Variants in PTPRT observed in about 807,000 individuals in gnomAD.
The protein encoded by PTPRT is protein tyrosine phosphatase receptor type T, also known as receptor-type tyrosine-protein phosphatase T.
In PTPRT, 56 loss-of-function variants were observed where a neutral mutation model predicts 176.8. That is an observed-to-expected ratio of 0.32 (90% CI 0.26 to 0.40). PTPRT has a LOEUF of 0.40. PTPRT is among the 10% of genes least tolerant of loss of function. The pLI is 1.00. For synonymous variants in PTPRT, 783 were observed against 739.0 expected (o/e 1.06, Z -0.96); for missense variants, 1,540 against 1,908.2 (o/e 0.81, Z 3.60).
chr20:42,290,090 T>C (rs2057294377), intron 12 of PTPRT, among the ~76,000 whole-genome samples: 1 of 152,016 alleles, frequency 6.6e-6, no homozygotes, highest in Admixed American at 6.6e-5. Flanking sequence ...GTGTGGCCAG[T>C]GTGCCTATGT....
chr20:42,298,284 G>T (rs915108914), intron 12 of PTPRT, among the ~76,000 whole-genome samples: 1 of 152,182 alleles, frequency 6.6e-6, no homozygotes, highest in African/African-American at 2.4e-5. Flanking sequence ...GGAAATTAAA[G>T]CTATATTGAG....
chr20:42,703,726 C>T (rs1191365483), intron 6 of PTPRT, among the ~76,000 whole-genome samples: 2 of 152,188 alleles, frequency 1.3e-5, no homozygotes, highest in African/African-American at 4.8e-5. Flanking sequence ...TACAAGAATC[C>T]AAGGAACAGT....
chr20:43,089,131 T>C (rs916407552), intron 1 of PTPRT, among the ~76,000 whole-genome samples: 14 of 152,226 alleles, frequency 9.2e-5, no homozygotes, highest in African/African-American at 3.4e-4. Flanking sequence ...TTTTAATCCA[T>C]GCACCCAATC....
chr20:42,808,894 G>A (rs138307281), intron 2 of PTPRT, among the ~76,000 whole-genome samples: 4 of 152,266 alleles, frequency 2.6e-5, no homozygotes, highest in East Asian at 1.9e-4. Context: ...CTGACTGCCC[G>A]CACCCCTGCA....
At chr20:42,818,580 T>C (rs2077833340) in intron 2 of PTPRT, among the ~76,000 whole-genome samples, 1 of 152,052 alleles carries the variant, frequency 6.6e-6, no homozygotes, top group Admixed American at 6.5e-5. Flanking sequence ...AGATGGGTAA[T>C]GAAAAACTAA....
chr20:42,877,015 C>T (rs540783446), intron 2 of PTPRT, among the ~76,000 whole-genome samples: 5 of 152,170 alleles, frequency 3.3e-5, no homozygotes, highest in South Asian at 4.2e-4. Flanking sequence ...TACAAAGGCA[C>T]GACAGTGTGA....
chr20:42,669,425 GCTA>G lies in PTPRT; in HGVS notation c.1153+8438_1153+8440del, dbSNP rs761589791. 5.3e-5 allele frequency among the ~76,000 whole-genome samples: 8 copies of G among 152,088 alleles called. No individual in the cohort carries two copies. In the South Asian group the frequency reaches 1.5e-3, roughly 28 times the overall value. On this transcript the variant is annotated intron_variant, in intron 7 of 30. Coordinates refer to ENST00000373187, the MANE Select transcript of PTPRT (RefSeq NM_007050.6). ...AGTGAGTCCATTTTCATTTCTACTG[GCTA>G]CTGTTTCCATGTTCCCCGAAGATTT...
At chr20:42,089,768 GTC>G (rs1220966202) in intron 27 of PTPRT, among the ~76,000 whole-genome samples, 1 of 152,168 alleles carries the variant, frequency 6.6e-6, no homozygotes, top group Admixed American at 6.5e-5. Flanking sequence ...GATCATCAGG[GTC>G]TCTCTGCAGC....
At chr20:42,339,124 G>A (rs1302931314) in intron 11 of PTPRT, among the ~76,000 whole-genome samples, 1 of 152,172 alleles carries the variant, frequency 6.6e-6, no homozygotes, top group Non-Finnish European at 1.5e-5. Flanking sequence ...CTCCCAGGCT[G>A]CTCTAGCCTT....
At chr20:42,594,577 G>A (rs2073637406) in intron 7 of PTPRT, among the ~76,000 whole-genome samples, 2 of 152,050 alleles carry the variant, frequency 1.3e-5, no homozygotes, top group South Asian at 4.2e-4. Flanking sequence ...ATGTACAATA[G>A]GGAAATCAGA....
At chr20:42,347,929 T>C (rs938948085) in intron 11 of PTPRT, among the ~76,000 whole-genome samples, 2 of 152,214 alleles carry the variant, frequency 1.3e-5, no homozygotes, top group African/African-American at 4.8e-5. Context: ...TTGCTTAATG[T>C]CCCACCTCCC....
chr20:43,151,309 G>A (rs140349295), intron 1 of PTPRT, among the ~76,000 whole-genome samples: 1,804 of 74,512 alleles, frequency 0.024, 15 homozygotes, highest in South Asian at 0.12. Context: ...GCAAAACTCC[G>A]TCTCAAACAA....
the PTPRT span, among the ~76,000 whole-genome samples, chr20:42,037,291 C>T: frequency 2.6e-5 from 4 of 152,154 alleles, no homozygotes; most frequent in African/African-American, 9.7e-5. Context: ...TGCTGACAGC[C>T]CATCCTGTGG....
the PTPRT span, among the ~76,000 whole-genome samples, chr20:42,039,225 A>G: frequency 6.6e-6 from 1 of 152,224 alleles, no homozygotes; most frequent in Non-Finnish European, 1.5e-5. Context: ...TTTAATTGAC[A>G]AGTAAAAATT....
intron 18 of PTPRT, among the ~76,000 whole-genome samples, chr20:42,135,760 G>A (rs1337837418): frequency 1.3e-5 from 2 of 152,106 alleles, no homozygotes; most frequent in African/African-American, 4.8e-5. Flanking sequence ...ACCCTGTGAG[G>A]TCTATACCAT....
At chr20:43,151,152 C>A (rs577531697) in intron 1 of PTPRT, among the ~76,000 whole-genome samples, 2 of 151,658 alleles carry the variant, frequency 1.3e-5, no homozygotes, top group East Asian at 4.0e-4. Context: ...ACTAAAAATA[C>A]AAAATTAGCC....
intron 2 of PTPRT, among the ~76,000 whole-genome samples, chr20:42,849,688 T>C (rs1380037666): frequency 1.3e-5 from 2 of 152,162 alleles, no homozygotes; most frequent in African/African-American, 4.8e-5. Context: ...ATGAACCTTG[T>C]TTTCCTCCTC....
At chr20:42,527,353 C>A (rs2072296834) in intron 7 of PTPRT, among the ~76,000 whole-genome samples, 1 of 152,100 alleles carries the variant, frequency 6.6e-6, no homozygotes, top group African/African-American at 2.4e-5. Flanking sequence ...TGTGCTTTAT[C>A]CCTGAAATTG....
intron 12 of PTPRT, among the ~76,000 whole-genome samples, chr20:42,285,313 A>T (rs565182188): frequency 7.9e-5 from 12 of 152,138 alleles, no homozygotes; most frequent in African/African-American, 2.9e-4. Context: ...GGTTAGAATG[A>T]TCTTCCACTT....
Sources: allele counts gnomAD v4.1 joint callset (sites outside exome capture counted in the v4.1 genomes callset), GRCh38; gene constraint gnomAD v4.1.1; transcripts MANE v1.5; gene names NCBI Gene and HGNC (gene_info 2026-07-23, HGNC 2026-07-21).